Variants in PIAS1 observed in about 807,000 individuals in gnomAD.
PIAS1 encodes the protein protein inhibitor of activated STAT 1, also known as E3 SUMO-protein ligase PIAS1.
In PIAS1, 6 loss-of-function variants were observed where a neutral mutation model predicts 71.3. The observed-to-expected ratio is 0.08, with a 90% confidence interval of 0.05 to 0.17. The LOEUF is 0.17. Among genes scored for constraint, PIAS1 ranks in the 10% least tolerant of loss-of-function variants. The probability of loss-of-function intolerance (pLI) is 1.00; values close to 1 mark genes in which losing one functional copy is unlikely to be tolerated. For missense variants in PIAS1, 555 were observed against 793.6 expected (o/e 0.70, Z 3.61); for synonymous variants, 303 against 292.9 (o/e 1.03, Z -0.35).
chr15:68,129,879 A>G (rs1322641193), intron 2 of PIAS1, among the ~76,000 whole-genome samples: 1 of 151,966 alleles, frequency 6.6e-6, no homozygotes, highest in Non-Finnish European at 1.5e-5. Flanking sequence ...CTATAGTTGT[A>G]TACCAAATTT....
chr15:68,153,589 G>T lies in PIAS1; in HGVS notation c.829-1G>T. On this transcript the variant is annotated splice_acceptor_variant, in intron 6 of 13. Transcript: ENST00000249636. LOFTEE classifies it high-confidence loss of function. The stretch of plus-strand genomic sequence containing the variant: ...TGTTTTCTACTTCTTTTTTTTTCCA[G>T]AACTATTCCATGGCAGTATATCTTG... 2.1e-6 allele frequency: 3 copies of T among 1,430,578 alleles called. No individual in the cohort carries two copies. The highest frequency in any genetic ancestry group is 1.4e-5 in the African/African-American group (1 of 70,374). 88.6% of individuals were successfully genotyped at this position (1,430,578 alleles called of 1,614,324 possible). A position where few individuals can be genotyped will look rare whatever the true frequency, so the allele number is the denominator to read the frequency against.
intron 1 of PIAS1, among the ~76,000 whole-genome samples, chr15:68,060,948 C>G (rs1478611593): frequency 6.6e-6 from 1 of 152,230 alleles, no homozygotes; most frequent in Non-Finnish European, 1.5e-5. Context: ...TCCCAAAGTT[C>G]TGGGATTGTA....
chr15:68,076,351 T>C (rs1285613909), intron 1 of PIAS1, among the ~76,000 whole-genome samples: 2 of 151,840 alleles, frequency 1.3e-5, no homozygotes, highest in Non-Finnish European at 2.9e-5. Context: ...ACTAAAAATA[T>C]AAAAGATTAG....
At chr15:68,065,915 CTTTTTTTTTTTTTT>C (rs869104577) in intron 1 of PIAS1, among the ~76,000 whole-genome samples, 14 of 40,174 alleles carry the variant, frequency 3.5e-4, no homozygotes, top group Admixed American at 1.7e-3. Context: ...TGACTAAAAG[CTTTTTTTTTTTTTT>C]TTTTTTTTTT....
At chr15:68,065,402 CA>C (rs2092006624) in intron 1 of PIAS1, among the ~76,000 whole-genome samples, 1 of 151,832 alleles carries the variant, frequency 6.6e-6, no homozygotes, top group East Asian at 1.9e-4. Flanking sequence ...CCAGCCTGGA[CA>C]ACATGGCAAA....
At position 68,086,680 on chromosome 15, in the gene PIAS1, T is replaced by G; in HGVS notation, c.399T>G (p.His133Gln). Residue 133 changes from histidine (H) to glutamine (Q), a missense_variant, in exon 2 of 14, where the codon CAT (histidine) becomes CAG (glutamine). Transcript: ENST00000249636. This position sits in a 1 kb window ranked among gnomAD's most constrained non-coding sequence, Gnocchi z 7.2. The stretch of plus-strand genomic sequence containing the variant: ...TTACATCAGCTCTTCACCCAGTCCA[T>G]CCGGATATAAAACTTCAAAAATTAC... Reference protein sequence around the residue: ...PHLTSALHPVHPDIKLQKLPF... With the variant: ...PHLTSALHPVQPDIKLQKLPF... 6.2e-7 allele frequency: 1 copy of G among 1,613,640 alleles called. No individual in the cohort carries two copies. The highest frequency in any genetic ancestry group is 8.5e-7 in the Non-Finnish European group (1 of 1,179,576).
intron 2 of PIAS1, among the ~76,000 whole-genome samples, chr15:68,103,273 A>T (rs1595727052): frequency 3.4e-5 from 5 of 147,582 alleles, no homozygotes; most frequent in African/African-American, 5.0e-5. Flanking sequence ...ATAAAATGAT[A>T]TTTTTTTTTC....
intron 2 of PIAS1, among the ~76,000 whole-genome samples, chr15:68,121,263 GTTTT>G (rs71455578): frequency 1.2e-4 from 17 of 139,628 alleles, no homozygotes; most frequent in Admixed American, 1.2e-3. Flanking sequence ...ATGTTTTTTT[GTTTT>G]TTTTTTTTCT....
intron 1 of PIAS1, among the ~76,000 whole-genome samples, chr15:68,082,933 T>A (rs149015049): frequency 3.0e-4 from 46 of 152,278 alleles, no homozygotes; most frequent in African/African-American, 1.1e-3. Flanking sequence ...TCTGTCAGAT[T>A]ATGAAAATTA....
At chr15:68,129,502 G>A (rs1399471347) in intron 2 of PIAS1, among the ~76,000 whole-genome samples, 1 of 151,384 alleles carries the variant, frequency 6.6e-6, no homozygotes, top group African/African-American at 2.4e-5. Context: ...TTTTTAAAAT[G>A]ACATTAAAAA....
Position 68,080,635 on chromosome 15 carries a change from C to T in PIAS1, c.25-5671C>T, listed in dbSNP as rs528030221. On this transcript the variant is annotated intron_variant, in intron 1 of 13. Coordinates refer to ENST00000249636, the MANE Select transcript of PIAS1 (RefSeq NM_016166.3). ...GATTTAGAAATCATCCAAAAGTAAG[C>T]CCCATTGAATGAAGAATCTGACTTT... Among the ~76,000 whole-genome samples, 26 of 152,252 alleles carry T rather than the reference C, an allele frequency of 1.7e-4. No individual in the cohort carries two copies. In the South Asian group the frequency reaches 5.2e-3, roughly 30 times the overall value.
At position 68,054,731 on chromosome 15, in the gene PIAS1, G is replaced by A. The variant is rs116934048; in HGVS notation, c.24+381G>A. ...GGCTGGGGGCAGGGTGCTCTCGTAG[G>A]GGGGATTGGGAAAGCTCCCCGTGGC... On this transcript the variant is annotated intron_variant, in intron 1 of 13. Coordinates refer to ENST00000249636, the MANE Select transcript of PIAS1 (RefSeq NM_016166.3). The surrounding 1 kb of genome is among the most constrained non-coding windows in gnomAD (Gnocchi z 4.6). 5.7e-6 allele frequency: 1 copy of A among 175,092 alleles called. No homozygotes were observed. Among genetic ancestry groups the A allele is most frequent in the Non-Finnish European group, 1.2e-5 (1 of 83,240 alleles). 10.8% of individuals were successfully genotyped at this position (175,092 alleles called of 1,614,324 possible).
chr15:68,108,130 C>T (rs1182277100), intron 2 of PIAS1, among the ~76,000 whole-genome samples: 1 of 152,164 alleles, frequency 6.6e-6, no homozygotes, highest in African/African-American at 2.4e-5. Flanking sequence ...CTTGCCAGCC[C>T]CTGCCACATT....
At chr15:68,089,497 A>C (rs1029580892) in intron 2 of PIAS1, among the ~76,000 whole-genome samples, 6 of 151,814 alleles carry the variant, frequency 4.0e-5, no homozygotes, top group Admixed American at 3.9e-4. Context: ...TCATCTGTAC[A>C]TTTCTTCCCC....
chr15:68,088,307 A>G (rs866074323), intron 2 of PIAS1, among the ~76,000 whole-genome samples: 1 of 151,300 alleles, frequency 6.6e-6, no homozygotes, highest in South Asian at 2.1e-4. Context: ...TCAGTTGATG[A>G]AAACGTTGTG....
At chr15:68,157,115 C>T (rs2092895778) in intron 7 of PIAS1, among the ~76,000 whole-genome samples, 1 of 152,070 alleles carries the variant, frequency 6.6e-6, no homozygotes, top group African/African-American at 2.4e-5. Context: ...ATGGTAATGC[C>T]ATTTACTGAA....
chr15:68,182,518 G>GTGTGT (rs2093061447), intron 12 of PIAS1, among the ~76,000 whole-genome samples: 3 of 11,542 alleles, frequency 2.6e-4, no homozygotes, highest in African/African-American at 1.0e-3. Context: ...TGTGTGTGTC[G>GTGTGT]GAGTTTTGCT....
rs767357220 is a variant in PIAS1, at chr15:68,145,866, A to G, written c.653A>G (p.Asn218Ser). Reference protein sequence around the residue: ...SCPQEDHFPPNLCVKVNTKPC... With the variant: ...SCPQEDHFPPSLCVKVNTKPC... ...CCACAAGAAGATCACTTCCCACCCAATCTTTGTGTGAAAGTGAATACAAAA... is the reference window on the plus strand; with the variant it reads ...CCACAAGAAGATCACTTCCCACCCAGTCTTTGTGTGAAAGTGAATACAAAA... The change falls in exon 5 of 14, where the codon AAT (asparagine) becomes AGT (serine). Residue 218 changes from asparagine to serine, a missense_variant. This residue lies in a region of PIAS1 where 134 missense variants were observed against 203.4 expected (regional missense o/e 0.66). Transcript: ENST00000249636. 6 of 1,612,134 alleles carry G rather than the reference A, an allele frequency of 3.7e-6. No individual in the cohort carries two copies. Among genetic ancestry groups the G allele is most frequent in the African/African-American group, 1.3e-5 (1 of 74,838 alleles).
intron 6 of PIAS1, among the ~76,000 whole-genome samples, chr15:68,147,336 T>C (rs2141054227): frequency 6.6e-6 from 1 of 152,322 alleles, no homozygotes; most frequent in Admixed American, 6.5e-5. Context: ...ATTAGTACTT[T>C]TTTCATTATT....
Sources: allele counts gnomAD v4.1 joint callset (sites outside exome capture counted in the v4.1 genomes callset), GRCh38; gene constraint gnomAD v4.1.1; regional missense constraint gnomAD v4.1.1; non-coding constraint Gnocchi (gnomAD v3.1); transcripts MANE v1.5; gene names NCBI Gene and HGNC (gene_info 2026-07-23, HGNC 2026-07-21).